Variants in NXPH1 observed in about 807,000 individuals in gnomAD.
The protein encoded by NXPH1 is neurexophilin-1.
In NXPH1, 5 loss-of-function variants were observed where a neutral mutation model predicts 23.7. That is an observed-to-expected ratio of 0.21 (90% confidence interval 0.11 to 0.44). NXPH1 has a LOEUF of 0.44. Ranked by LOEUF, NXPH1 falls within the 20% of genes least tolerant of loss-of-function variation. The pLI is 0.99. For missense variants in NXPH1, 324 were observed against 321.6 expected (o/e 1.01, Z -0.06); for synonymous variants, 144 against 122.2 (o/e 1.18, Z -1.18).
chr7:8,451,810 G>T (rs543914734), intron 2 of NXPH1, among the ~76,000 whole-genome samples: 2 of 152,312 alleles, frequency 1.3e-5, no homozygotes, highest in East Asian at 3.9e-4. Flanking sequence ...GACTGAGAAA[G>T]GTCGATCATG....
At chr7:8,454,770 T>C (rs1816564902) in intron 2 of NXPH1, among the ~76,000 whole-genome samples, 1 of 152,160 alleles carries the variant, frequency 6.6e-6, no homozygotes, top group Non-Finnish European at 1.5e-5. Flanking sequence ...AATCCCGTGA[T>C]TGAAACTAGA....
At chr7:8,603,981 C>T (rs193045581) in intron 2 of NXPH1, among the ~76,000 whole-genome samples, 107 of 152,214 alleles carry the variant, frequency 7.0e-4, no homozygotes, top group African/African-American at 2.4e-3. Flanking sequence ...AAAATGAGCA[C>T]CCCAAATCAT....
At chr7:8,624,797 G>C (rs1399778386) in intron 2 of NXPH1, among the ~76,000 whole-genome samples, 2 of 152,164 alleles carry the variant, frequency 1.3e-5, no homozygotes, top group Non-Finnish European at 2.9e-5. Flanking sequence ...TGTTGCAATG[G>C]TTCATTGTGG....
At chr7:8,455,607 A>G (rs1200838645) in intron 2 of NXPH1, among the ~76,000 whole-genome samples, 1 of 141,026 alleles carries the variant, frequency 7.1e-6, no homozygotes, top group Non-Finnish European at 1.6e-5. Flanking sequence ...CTGTCCAGAG[A>G]GAATGTTAAT....
chr7:8,648,400 G>T (rs1820429991), intron 2 of NXPH1, among the ~76,000 whole-genome samples: 1 of 152,132 alleles, frequency 6.6e-6, no homozygotes, highest in African/African-American at 2.4e-5. Context: ...CCACAGATAA[G>T]TGAGAATATG....
In NXPH1 at chr7:8,439,613, G is replaced by T. The variant is rs756853258; in HGVS notation, c.54+3846G>T. Among the ~76,000 whole-genome samples, 7 of 152,368 alleles carry T rather than the reference G, an allele frequency of 4.6e-5. 1 individual carries two copies. Among genetic ancestry groups the T allele is most frequent in the Non-Finnish European group, 8.8e-5 (6 of 68,036 alleles). On this transcript the variant is annotated intron_variant, in intron 2 of 2. Coordinates refer to ENST00000405863, the MANE Select transcript of NXPH1 (RefSeq NM_152745.3). ...TTGCTTTTTAAATCAAAATAGGCAT[G>T]AATTAAAAATCCTTTCTAAACTTGT...
intron 2 of NXPH1, among the ~76,000 whole-genome samples, chr7:8,447,864 G>C (rs891326049): frequency 6.6e-6 from 1 of 152,178 alleles, no homozygotes; most frequent in Admixed American, 6.5e-5. Context: ...GCAAAGCCAC[G>C]TGCCTCCAGG....
chr7:8,703,824 A>G (rs1283698017), intron 2 of NXPH1, among the ~76,000 whole-genome samples: 1 of 152,120 alleles, frequency 6.6e-6, no homozygotes, highest in African/African-American at 2.4e-5. Context: ...AGAAAGAGAC[A>G]TAAAATTACA....
intron 2 of NXPH1, among the ~76,000 whole-genome samples, chr7:8,539,848 C>A (rs1295679617): frequency 6.6e-6 from 1 of 151,706 alleles, no homozygotes; most frequent in Non-Finnish European, 1.5e-5. Context: ...TTGAGTTTTT[C>A]TCATCTTTGA....
At position 8,751,841 on chromosome 7, in the gene NXPH1, G is replaced by A. The variant is rs568384804; in HGVS notation, c.*72G>A. 132 of 1,399,390 alleles carry A rather than the reference G, an allele frequency of 9.4e-5. 1 individual carries two copies. The South Asian group carries it at 1.7e-3, about 18-fold the overall frequency. 86.7% of individuals were successfully genotyped at this position (1,399,390 alleles called of 1,614,324 possible). ...ATGACAGGGCTGTTACCTCAAAGAA[G>A]AAGGTCACATCTGTTGCCTGGAATG... is the stretch of plus-strand genomic sequence containing the variant. On this transcript the variant is annotated 3_prime_UTR_variant, in exon 3 of 3. Transcript: ENST00000405863. This position sits in a 1 kb window ranked among gnomAD's most constrained non-coding sequence, Gnocchi z 4.5.
At chr7:8,473,280 G>A (rs1379308498) in intron 2 of NXPH1, among the ~76,000 whole-genome samples, 1 of 152,196 alleles carries the variant, frequency 6.6e-6, no homozygotes, top group East Asian at 1.9e-4. Flanking sequence ...GACAAAAGCA[G>A]GCTGTATTAT....
At chr7:8,629,845 G>T (rs1016295306) in intron 2 of NXPH1, among the ~76,000 whole-genome samples, 1 of 152,116 alleles carries the variant, frequency 6.6e-6, no homozygotes, top group African/African-American at 2.4e-5. Flanking sequence ...TTTAGAAATT[G>T]CCTGGTGCTT....
chr7:8,607,794 C>T (rs1358984922), intron 2 of NXPH1, among the ~76,000 whole-genome samples: 16 of 152,140 alleles, frequency 1.1e-4, no homozygotes, highest in Admixed American at 5.2e-4. Context: ...ACATCTGGTT[C>T]CTGTGAATAT....
rs933461932 is a variant in NXPH1, at chr7:8,491,706, A to G, written c.54+55939A>G. The stretch of plus-strand genomic sequence containing the variant: ...GATAGGTACCACCACGGACTGTTAG[A>G]TGAACAGGGATTCTCACAGTACTTT... On this transcript the variant is annotated intron_variant, in intron 2 of 2. Coordinates refer to ENST00000405863, the MANE Select transcript of NXPH1 (RefSeq NM_152745.3). Among the ~76,000 whole-genome samples, 120 of 152,168 alleles carry G rather than the reference A, an allele frequency of 7.9e-4. 4 individuals carry two copies. Among genetic ancestry groups the G allele is most frequent in the Admixed American group, 7.8e-3 (119 of 15,252 alleles).
At chr7:8,715,233 ACAAT>A (rs747262536) in intron 2 of NXPH1, among the ~76,000 whole-genome samples, 5 of 152,014 alleles carry the variant, frequency 3.3e-5, no homozygotes, top group Non-Finnish European at 7.4e-5. Flanking sequence ...GCAAAGTTCC[ACAAT>A]CACTACACTC....
At chr7:8,649,538 A>T (rs756331244) in intron 2 of NXPH1, among the ~76,000 whole-genome samples, 9 of 152,108 alleles carry the variant, frequency 5.9e-5, no homozygotes, top group Non-Finnish European at 8.8e-5. Context: ...CGGTGGGTGA[A>T]TTTTTAAAAT....
At chr7:8,618,989 G>T (rs1030456367) in intron 2 of NXPH1, among the ~76,000 whole-genome samples, 3 of 152,130 alleles carry the variant, frequency 2.0e-5, no homozygotes, top group Non-Finnish European at 4.4e-5. Flanking sequence ...TTTTCAGTTT[G>T]TGTGTTACTA....
intron 2 of NXPH1, among the ~76,000 whole-genome samples, chr7:8,523,359 T>C (rs1261539212): frequency 6.6e-6 from 1 of 152,184 alleles, no homozygotes; most frequent in Admixed American, 6.5e-5. Context: ...CCCAACCAGG[T>C]TTTCACTACA....
chr7:8,692,985 GC>G (rs1427399261), intron 2 of NXPH1, among the ~76,000 whole-genome samples: 1 of 152,084 alleles, frequency 6.6e-6, no homozygotes, highest in Non-Finnish European at 1.5e-5. Context: ...CTTCCTACAA[GC>G]CCACAGCTGA....
Sources: allele counts gnomAD v4.1 joint callset (sites outside exome capture counted in the v4.1 genomes callset), GRCh38; gene constraint gnomAD v4.1.1; non-coding constraint Gnocchi (gnomAD v3.1); transcripts MANE v1.5; gene names NCBI Gene and HGNC (gene_info 2026-07-23, HGNC 2026-07-21).